TRRAP: variants seen among roughly 807,000 people sequenced by gnomAD.
TRRAP encodes transformation/transcription domain-associated protein.
TRRAP carries 41 observed loss-of-function variants against 438.8 expected under a neutral mutation model. That is an observed-to-expected ratio of 0.09 (90% CI 0.07 to 0.12). The LOEUF (loss-of-function observed/expected upper bound fraction) is 0.12, where lower values mean the gene tolerates loss of function less well. Ranked by LOEUF, TRRAP falls within the 10% of genes least tolerant of loss-of-function variation. TRRAP has a pLI of 1.00. For synonymous variants in TRRAP, 1,994 were observed against 1,962.9 expected, an observed-to-expected ratio of 1.02 and a Z score of -0.42; for missense variants, 3,122 against 5,055.1, an observed-to-expected ratio of 0.62 and a Z score of 11.60.
Position 99,004,425 on chromosome 7 carries a change from C to T in TRRAP, c.10535+10C>T. On this transcript the variant is annotated intron_variant, in intron 68 of 72. Transcript: ENST00000456197. Reference sequence around the variant, plus strand: ...ACATCAAGATTGCACGGTGAGTGGGCCAGCCTGGCAGGTGGAACTAACCCA... The same window carrying T: ...ACATCAAGATTGCACGGTGAGTGGGTCAGCCTGGCAGGTGGAACTAACCCA... The T allele has an allele frequency of 6.2e-7, 1 of 1,608,786 alleles. No individual in the cohort carries two copies. Among genetic ancestry groups the T allele is most frequent in the Non-Finnish European group, 8.5e-7 (1 of 1,176,230 alleles).
chr7:98,969,968 G>C, intron 51 of TRRAP, 144 bp from the exon 52 acceptor site: 1 of 919,896 alleles, frequency 1.1e-6, no homozygotes, highest in Non-Finnish European at 1.6e-6. Context: ...GTCTGGTTGG[G>C]GACAGGTGGG....
rs1245833092 is a variant in TRRAP, at chr7:98,899,516, T to C, written c.711+17T>C. ...ATGTATCAGGTATGTGTATTGCTCA[T>C]TAGTCTCTTGGGTTTTGGGCTTCTT... is the stretch of plus-strand genomic sequence containing the variant. On this transcript the variant is annotated intron_variant, in intron 9 of 72. Coordinates refer to ENST00000456197, the MANE Select transcript of TRRAP (RefSeq NM_001375524.1). The C allele has an allele frequency of 1.2e-6, 2 of 1,613,888 alleles. No homozygotes were observed. Among genetic ancestry groups the C allele is most frequent in the African/African-American group, 1.3e-5 (1 of 75,050 alleles).
Position 98,879,183 on chromosome 7 carries a change from C to T in TRRAP, c.-62+546C>T, listed in dbSNP as rs112506766. Among the ~76,000 whole-genome samples, 781 of 152,300 alleles carry T rather than the reference C, an allele frequency of 5.1e-3. 3 individuals are homozygous for T. The highest frequency in any genetic ancestry group is 0.017 in the African/African-American group (713 of 41,578). On this transcript the variant is annotated intron_variant, in intron 1 of 72. Coordinates refer to ENST00000456197, the MANE Select transcript of TRRAP (RefSeq NM_001375524.1). Reference sequence around the variant, plus strand: ...GGCAGTTTGTCCCCAGGAGTAGGAGCAGGCCCGGCGCCAGCCCGGCCTGGG... The same window carrying T: ...GGCAGTTTGTCCCCAGGAGTAGGAGTAGGCCCGGCGCCAGCCCGGCCTGGG...
At position 99,011,092 on chromosome 7, in the gene TRRAP, T is replaced by C; in HGVS notation, c.10979T>C (p.Val3660Ala). The change falls in exon 71 of 73, where the codon GTG (valine) becomes GCG (alanine). Residue 3660 changes from valine (V) to alanine (A), a missense_variant. Around this residue, in one of 24 missense-constraint regions of TRRAP, gnomAD observed 192 missense variants for 355.6 expected, o/e 0.54. Coordinates refer to ENST00000456197, the MANE Select transcript of TRRAP (RefSeq NM_001375524.1). The surrounding 1 kb of genome is among the most constrained non-coding windows in gnomAD (Gnocchi z 7.1). The stretch of plus-strand genomic sequence containing the variant: ...CTCAAGGAGGTTCAGAGTAACATGG[T>C]GCCGCGCAGCATGCTCAAGGAGTGG... ...DILKEVQSNM[V>A]PRSMLKEWAL... 1 of 1,614,190 alleles carries C rather than the reference T, an allele frequency of 6.2e-7. No homozygotes were observed.
rs1372921680 is a variant in TRRAP, at chr7:98,961,425, C to T, written c.6654C>T (p.Ala2218=). The change falls in exon 46 of 73, where the codon GCC becomes GCT. Residue 2218 remains alanine (A), a synonymous_variant. Transcript: ENST00000456197. ...GTGGAAACACCAAGGTGTTGCGAGC[C>T]GTCCACAGCCTTCTCTCGCGCCTGA... ...MTCGNTKVLR[A]VHSLLSRLMS... 4 of 1,614,232 alleles carry T rather than the reference C, an allele frequency of 2.5e-6. No individual in the cohort carries two copies. The highest frequency in any genetic ancestry group is 1.7e-5 in the Admixed American group (1 of 60,030).
intron 67 of TRRAP, among the ~76,000 whole-genome samples, chr7:99,003,983 G>C (rs1430969786): frequency 1.3e-5 from 2 of 152,202 alleles, no homozygotes; most frequent in African/African-American, 4.8e-5. Flanking sequence ...TGAGGCAGGA[G>C]AATCACTGAA....
intron 28 of TRRAP, among the ~76,000 whole-genome samples, chr7:98,936,137 TGGCTGA>T (rs1790544477): frequency 6.6e-6 from 1 of 152,240 alleles, no homozygotes; most frequent in Admixed American, 6.5e-5. Context: ...AGATCTGTAT[TGGCTGA>T]GATAGAAACA....
At chr7:98,916,690 G>C (rs2116442246) in intron 19 of TRRAP, among the ~76,000 whole-genome samples, 1 of 152,314 alleles carries the variant, frequency 6.6e-6, no homozygotes, top group Middle Eastern at 3.4e-3. Flanking sequence ...CACACAGTCT[G>C]ATTTCCTGGG....
chr7:98,899,805 A>G, intron 10 of TRRAP, 38 bp downstream of exon 10: 2 of 1,599,136 alleles, frequency 1.3e-6, no homozygotes, highest in Non-Finnish European at 1.7e-6. Context: ...CAGTGCCTGG[A>G]TTCCAAGTAA....
At chr7:98,911,308 C>T (rs1789254619) in intron 17 of TRRAP, 37 bp downstream of exon 17, 4 of 1,525,562 alleles carry the variant, frequency 2.6e-6, no homozygotes, top group Non-Finnish European at 2.7e-6. Flanking sequence ...TTGAACATTA[C>T]AATTCTTTGT....
chr7:98,972,197 A>G (rs1792447849), intron 53 of TRRAP, among the ~76,000 whole-genome samples: 1 of 152,110 alleles, frequency 6.6e-6, no homozygotes, highest in Non-Finnish European at 1.5e-5. Context: ...ATAGGCTGCC[A>G]CACCCAGCTA....
Position 99,012,179 on chromosome 7 carries a change from A to G in TRRAP, c.11446A>G (p.Met3816Val), listed in dbSNP as rs144146498. ...CTCGGCCGCCGGGCAGCCAGAGAACATGGACAGCCAGCAACTGGTGTCCCT... is the reference window on the plus strand; with the variant it reads ...CTCGGCCGCCGGGCAGCCAGAGAACGTGGACAGCCAGCAACTGGTGTCCCT... ...PLSAAGQPEN[M>V]DSQQLVSLVQ... The change falls in exon 73 of 73, where the codon ATG (methionine) becomes GTG (valine). Residue 3816 changes from methionine (M) to valine (V), a missense_variant. Physicochemically the swap from Met to Val is conservative, Grantham distance 21. Around this residue, in one of 24 missense-constraint regions of TRRAP, gnomAD observed 192 missense variants for 355.6 expected, o/e 0.54. Transcript: ENST00000456197. This position sits in a 1 kb window ranked among gnomAD's most constrained non-coding sequence, Gnocchi z 5.9. 9 of 1,614,222 alleles carry G rather than the reference A, an allele frequency of 5.6e-6. No individual in the cohort carries two copies. The African/African-American group carries it at 1.2e-4, about 22-fold the overall frequency.
At chr7:98,919,017 T>G (rs1032854747) in intron 20 of TRRAP, among the ~76,000 whole-genome samples, 1 of 151,666 alleles carries the variant, frequency 6.6e-6, no homozygotes, top group Non-Finnish European at 1.5e-5. Context: ...AAGGTTGATA[T>G]GTTAAAGTTA....
At position 98,948,380 on chromosome 7, in the gene TRRAP, C is replaced by G; in HGVS notation, c.4668+40C>G. 1 of 1,613,620 alleles carries G rather than the reference C, an allele frequency of 6.2e-7. No homozygotes were observed. Among genetic ancestry groups the G allele is most frequent in the Non-Finnish European group, 8.5e-7 (1 of 1,179,818 alleles). The stretch of plus-strand genomic sequence containing the variant: ...GAAGGCTGCTTCTCGCTCTGCCACC[C>G]TCCGGTGCTTATAGCGTCCTCACTT... On this transcript the variant is annotated intron_variant, in intron 34 of 72. Transcript: ENST00000456197. The surrounding 1 kb of genome is among the most constrained non-coding windows in gnomAD (Gnocchi z 4.9).
At chr7:98,922,132 G>A (rs1789824521) in intron 21 of TRRAP, among the ~76,000 whole-genome samples, 179 bp downstream of exon 21, 1 of 152,172 alleles carries the variant, frequency 6.6e-6, no homozygotes, top group Non-Finnish European at 1.5e-5. Context: ...GTGGAGGGGT[G>A]TCACCTGAGA....
intron 67 of TRRAP, among the ~76,000 whole-genome samples, chr7:98,997,594 TG>T (rs1793730557): frequency 6.7e-6 from 1 of 148,564 alleles, no homozygotes; most frequent in African/African-American, 2.5e-5. Context: ...GGAACTACAG[TG>T]GTATAGACAG....
chr7:98,950,864 T>A lies in TRRAP; in HGVS notation c.5335-12T>A, dbSNP rs1554418100. ...TTGTTTTTCTCCTTCTTTATTTAAATTTTTTTTGTAGGTTCTGCAGCATAT... is the reference window on the plus strand; with the variant it reads ...TTGTTTTTCTCCTTCTTTATTTAAAATTTTTTTGTAGGTTCTGCAGCATAT... On this transcript the variant is annotated splice_polypyrimidine_tract_variant and intron_variant, in intron 38 of 72. Coordinates refer to ENST00000456197, the MANE Select transcript of TRRAP (RefSeq NM_001375524.1). The A allele has an allele frequency of 2.7e-6, 4 of 1,503,892 alleles. No individual in the cohort carries two copies. The South Asian group carries it at 5.5e-5, about 21-fold the overall frequency. 93.2% of individuals were successfully genotyped at this position (1,503,892 alleles called of 1,614,324 possible).
Position 99,011,166 on chromosome 7 carries a change from A to T in TRRAP, c.11053A>T (p.Met3685Leu), listed in dbSNP as rs147715960. The T allele has an allele frequency of 1.5e-4, 250 of 1,614,024 alleles. No individual in the cohort carries two copies. Among genetic ancestry groups the T allele is most frequent in the Non-Finnish European group, 2.0e-4 (239 of 1,180,034 alleles). The change falls in exon 71 of 73, where the codon ATG becomes TTG. Residue 3685 changes from methionine to leucine, a missense_variant. Around this residue, in one of 24 missense-constraint regions of TRRAP, gnomAD observed 192 missense variants for 355.6 expected, o/e 0.54. Coordinates refer to ENST00000456197, the MANE Select transcript of TRRAP (RefSeq NM_001375524.1). This position sits in a 1 kb window ranked among gnomAD's most constrained non-coding sequence, Gnocchi z 7.1. ...NATDYWTFRK[M>L]FTIQLALIGF... Reference sequence around the variant, plus strand: ...CACGGACTACTGGACGTTCCGGAAGATGTTCACCATCCAGCTGGCTCTGAT... The same window carrying T: ...CACGGACTACTGGACGTTCCGGAAGTTGTTCACCATCCAGCTGGCTCTGAT...
chr7:98,935,344 T>G (rs191578003), intron 27 of TRRAP, among the ~76,000 whole-genome samples: 1 of 152,264 alleles, frequency 6.6e-6, no homozygotes, highest in Non-Finnish European at 1.5e-5. Context: ...AACATGGTGG[T>G]ATCAGAGTGG....
Sources: gnomAD v4.1 joint callset for allele counts (sites outside exome capture counted in the v4.1 genomes callset) on GRCh38, gnomAD v4.1.1 for gene constraint, gnomAD v4.1.1 regional missense constraint, Gnocchi (gnomAD v3.1) non-coding constraint, MANE v1.5 for transcripts, NCBI Gene and HGNC (gene_info 2026-07-23, HGNC 2026-07-21) for gene names.